The following AGTPBP1 variants were observed in gnomAD, a reference collection of about 807,000 sequenced individuals.
AGTPBP1 encodes cytosolic carboxypeptidase 1.
Under a neutral mutation model 143.9 loss-of-function variants are expected in AGTPBP1, and 70 were observed. The observed-to-expected ratio is 0.49, with a 90% CI of 0.40 to 0.59. The LOEUF (loss-of-function observed/expected upper bound fraction) is 0.59, where lower values mean the gene tolerates loss of function less well. Among genes scored for constraint, AGTPBP1 ranks in the 20% least tolerant of loss-of-function variants. The probability of loss-of-function intolerance (pLI) is 0.00; values close to 1 mark genes in which losing one functional copy is unlikely to be tolerated. For missense variants in AGTPBP1, 1,229 were observed against 1,464.5 expected, an observed-to-expected ratio of 0.84 and a Z score of 2.62; for synonymous variants, 463 against 500.2, an observed-to-expected ratio of 0.93 and a Z score of 0.99.
At chr9:85,629,038 G>C (rs766948352) in intron 14 of AGTPBP1, among the ~76,000 whole-genome samples, 5 of 152,074 alleles carry the variant, frequency 3.3e-5, no homozygotes, top group Non-Finnish European at 4.4e-5. Flanking sequence ...TGAATTTCCA[G>C]GTTTTTTGTG....
At position 85,675,836 on chromosome 9, in the gene AGTPBP1, C is replaced by T. The variant is rs941082188; in HGVS notation, c.436+1600G>A. 4.6e-5 allele frequency among the ~76,000 whole-genome samples: 7 copies of T among 152,002 alleles called. No homozygotes were observed. In the East Asian group the frequency reaches 1.2e-3, roughly 25 times the overall value. Reference sequence around the variant, plus strand: ...GTCTGGAGTTTGAGACCATCCTGGCCAACATGGTGAAACCCCGTCTCTACT... The same window carrying T: ...GTCTGGAGTTTGAGACCATCCTGGCTAACATGGTGAAACCCCGTCTCTACT... On this transcript the variant is annotated intron_variant, in intron 6 of 25. Transcript: ENST00000357081.
chr9:85,764,402 C>T, the AGTPBP1 span, among the ~76,000 whole-genome samples: 6 of 151,930 alleles, frequency 3.9e-5, no homozygotes, highest in South Asian at 2.1e-4. Flanking sequence ...TGGTGATGAG[C>T]GCCTGTAATC....
chr9:85,642,996 A>G (rs746302242), intron 12 of AGTPBP1, 53 bp from the exon 13 acceptor site: 43 of 1,195,138 alleles, frequency 3.6e-5, no homozygotes, highest in Non-Finnish European at 4.5e-5. Flanking sequence ...TTTAAAAATT[A>G]CAGAAAACAT....
chr9:85,790,916 A>C, the AGTPBP1 span, among the ~76,000 whole-genome samples: 1 of 152,182 alleles, frequency 6.6e-6, no homozygotes. Flanking sequence ...TGTATACTTA[A>C]TGATTCTTGG....
chr9:85,677,662 T>C (rs1834919748), intron 5 of AGTPBP1, 80 bp from the exon 6 acceptor site: 4 of 1,209,148 alleles, frequency 3.3e-6, no homozygotes, highest in South Asian at 1.7e-5. Flanking sequence ...TTAGGTATCA[T>C]AACTTGTTAG....
intron 11 of AGTPBP1, among the ~76,000 whole-genome samples, chr9:85,650,369 T>C (rs917376873): frequency 3.3e-5 from 5 of 152,012 alleles, no homozygotes; most frequent in Non-Finnish European, 1.5e-5. Context: ...CTCAGTCTAT[T>C]CAATGTGTAG....
chr9:85,723,535 C>T (rs557244350), intron 1 of AGTPBP1, among the ~76,000 whole-genome samples: 5 of 152,178 alleles, frequency 3.3e-5, no homozygotes, highest in South Asian at 2.1e-4. Flanking sequence ...CTGTGGGTTG[C>T]GAAGACTATG....
At chr9:85,644,361 TC>T (rs1371291416) in intron 12 of AGTPBP1, among the ~76,000 whole-genome samples, 2 of 151,716 alleles carry the variant, frequency 1.3e-5, no homozygotes, top group African/African-American at 4.8e-5. Flanking sequence ...TATTCTTTTC[TC>T]TAAACATACT....
intron 2 of AGTPBP1, among the ~76,000 whole-genome samples, chr9:85,697,536 T>C (rs1418280303): frequency 7.4e-6 from 1 of 135,010 alleles, no homozygotes; most frequent in African/African-American, 2.8e-5. Context: ...CACTGCAAGC[T>C]CCGCCTCCCG....
At chr9:85,585,260 G>A (rs1828533331) in intron 23 of AGTPBP1, among the ~76,000 whole-genome samples, 1 of 152,068 alleles carries the variant, frequency 6.6e-6, no homozygotes, top group Non-Finnish European at 1.5e-5. Context: ...AGAGAAAACA[G>A]AATTAGATCC....
chr9:85,694,880 T>C (rs1176969464), intron 2 of AGTPBP1, among the ~76,000 whole-genome samples: 1 of 152,222 alleles, frequency 6.6e-6, no homozygotes, highest in African/African-American at 2.4e-5. Context: ...TCTTAACCTT[T>C]ACAAATTCAC....
intron 19 of AGTPBP1, among the ~76,000 whole-genome samples, chr9:85,592,121 T>A (rs1387330332): frequency 6.6e-6 from 1 of 152,118 alleles, no homozygotes; most frequent in Non-Finnish European, 1.5e-5. Flanking sequence ...CACATTTTTT[T>A]AATATTCTAT....
the AGTPBP1 span, among the ~76,000 whole-genome samples, chr9:85,758,415 C>T: frequency 6.6e-6 from 1 of 152,126 alleles, no homozygotes; most frequent in Non-Finnish European, 1.5e-5. Context: ...GAGGCCAAGG[C>T]GGGCAGGTCA....
intron 23 of AGTPBP1, among the ~76,000 whole-genome samples, chr9:85,579,314 T>C (rs1436636453): frequency 6.6e-6 from 1 of 152,056 alleles, no homozygotes; most frequent in Non-Finnish European, 1.5e-5. Context: ...TACAAAACAA[T>C]GGAAGAATCG....
chr9:85,706,509 C>CAA (rs781239393), intron 2 of AGTPBP1, among the ~76,000 whole-genome samples: 31 of 62,238 alleles, frequency 5.0e-4, no homozygotes, highest in Non-Finnish European at 7.9e-4. Context: ...GACTCTGTCT[C>CAA]AAAAAAAAAA....
chr9:85,663,299 G>C (rs948345084), intron 8 of AGTPBP1, among the ~76,000 whole-genome samples: 3 of 152,078 alleles, frequency 2.0e-5, no homozygotes, highest in African/African-American at 7.2e-5. Context: ...TTCACACAGG[G>C]CTGAGAACAG....
chr9:85,739,611 G>A (rs1040421682), intron 1 of AGTPBP1, among the ~76,000 whole-genome samples: 1 of 151,900 alleles, frequency 6.6e-6, no homozygotes, highest in Non-Finnish European at 1.5e-5. Flanking sequence ...GGGAGGCTGA[G>A]GCAGGAGAAT....
intron 8 of AGTPBP1, among the ~76,000 whole-genome samples, chr9:85,669,191 A>G (rs757867024): frequency 6.6e-6 from 1 of 151,850 alleles, no homozygotes; most frequent in Non-Finnish European, 1.5e-5. Context: ...ATGTTTCTGA[A>G]TGAATACTCT....
intron 2 of AGTPBP1, among the ~76,000 whole-genome samples, chr9:85,693,197 T>C (rs926264141): frequency 5.3e-5 from 8 of 152,212 alleles, no homozygotes; most frequent in Middle Eastern, 3.2e-3. Flanking sequence ...CCCTGCTTCA[T>C]AACTGGTATA....
Sources: allele counts gnomAD v4.1 joint callset (sites outside exome capture counted in the v4.1 genomes callset), GRCh38; gene constraint gnomAD v4.1.1; transcripts MANE v1.5; gene names NCBI Gene and HGNC (gene_info 2026-07-23, HGNC 2026-07-21).